Variants in NCKAP1 observed in about 807,000 individuals in gnomAD.
NCKAP1 encodes NCK associated protein 1.
Under a neutral mutation model 151.2 loss-of-function variants are expected in NCKAP1, and 21 were observed. That is an observed-to-expected ratio of 0.14 (90% CI 0.10 to 0.20). NCKAP1 has a LOEUF of 0.20. Among genes scored for constraint, NCKAP1 ranks in the 10% least tolerant of loss-of-function variants. NCKAP1 has a pLI of 1.00. For missense variants in NCKAP1, 933 were observed against 1,352.1 expected (o/e 0.69, Z 4.86); for synonymous variants, 484 against 451.8 (o/e 1.07, Z -0.90).
rs770765076 is a variant in NCKAP1, at chr2:182,919,482, T to C, written c.*6220A>G. The stretch of plus-strand genomic sequence containing the variant: ...ATGTGACTAACGTAAGTTATGGTCA[T>C]ACCTAATTAGTATGACATTCTGATT... On this transcript the variant is annotated 3_prime_UTR_variant, in exon 31 of 31. Coordinates refer to ENST00000361354, the MANE Select transcript of NCKAP1 (RefSeq NM_013436.5). The C allele has an allele frequency of 6.6e-6, 1 of 152,224 alleles. No individual in the cohort carries two copies. The highest frequency in any genetic ancestry group is 1.5e-5 in the Non-Finnish European group (1 of 68,038). The allele number at this position is 152,224 out of a possible 1,614,324, so 9.4% of individuals were successfully genotyped here. A position where few individuals can be genotyped will look rare whatever the true frequency, so the allele number is the denominator to read the frequency against.
chr2:182,946,816 T>C (rs1697118516), intron 23 of NCKAP1, among the ~76,000 whole-genome samples: 1 of 148,288 alleles, frequency 6.7e-6, no homozygotes, highest in Non-Finnish European at 1.5e-5. Context: ...AGATGGAAAC[T>C]AGAGCAAAGA....
rs1696412602 is a variant in NCKAP1, at chr2:182,912,641, G to T, written c.*13061C>A. On this transcript the variant is annotated 3_prime_UTR_variant, in exon 31 of 31. Coordinates refer to ENST00000361354, the MANE Select transcript of NCKAP1 (RefSeq NM_013436.5). ...TGGAGTTCAGAATTATAAATGCTTGGCTAGTTAGCCATAATAAAAATGGAA... is the reference window on the plus strand; with the variant it reads ...TGGAGTTCAGAATTATAAATGCTTGTCTAGTTAGCCATAATAAAAATGGAA... The T allele has an allele frequency of 6.6e-6, 1 of 151,768 alleles. No homozygotes were observed. The highest frequency in any genetic ancestry group is 6.6e-5 in the Admixed American group (1 of 15,254). The allele number at this position is 151,768 out of a possible 1,614,324, so 9.4% of individuals were successfully genotyped here.
rs186600515 is a variant in NCKAP1 at position 182,987,964 on chromosome 2, T to C, written c.947+1066A>G. 3.3e-5 allele frequency among the ~76,000 whole-genome samples: 5 copies of C among 152,296 alleles called. 1 individual carries two copies. Among genetic ancestry groups the C allele is most frequent in the East Asian group, 1.9e-4 (1 of 5,188 alleles). On this transcript the variant is annotated intron_variant, in intron 9 of 30. Coordinates refer to ENST00000361354, the MANE Select transcript of NCKAP1 (RefSeq NM_013436.5). Reference sequence around the variant, plus strand: ...TCTCCAGAGATGATGGAAATGTTCTTACATCTTGATTTAAGTGGTGATGAT... The same window carrying C: ...TCTCCAGAGATGATGGAAATGTTCTCACATCTTGATTTAAGTGGTGATGAT...
chr2:182,934,720 C>A, intron 26 of NCKAP1, 32 bp downstream of exon 26: 1 of 1,094,262 alleles, frequency 9.1e-7, no homozygotes. Flanking sequence ...GCTTTAGAGA[C>A]TGTAAACCCC....
At chr2:182,927,605 T>C (rs915833837) in intron 29 of NCKAP1, among the ~76,000 whole-genome samples, 1 of 152,076 alleles carries the variant, frequency 6.6e-6, no homozygotes, top group Non-Finnish European at 1.5e-5. Flanking sequence ...TGAGGCTACA[T>C]TTAGCACTCC....
chr2:182,996,303 T>C (rs1698266923), intron 6 of NCKAP1, among the ~76,000 whole-genome samples: 1 of 152,212 alleles, frequency 6.6e-6, no homozygotes, highest in Non-Finnish European at 1.5e-5. Context: ...ACACTGTACC[T>C]CATCTTAATA....
At chr2:182,939,635 T>A (rs1696954186) in intron 24 of NCKAP1, among the ~76,000 whole-genome samples, 1 of 152,148 alleles carries the variant, frequency 6.6e-6, no homozygotes, top group Non-Finnish European at 1.5e-5. Flanking sequence ...TGCTTTATCT[T>A]TTAAAAAGAA....
At chr2:182,988,603 T>A (rs1698104228) in intron 9 of NCKAP1, among the ~76,000 whole-genome samples, 1 of 152,230 alleles carries the variant, frequency 6.6e-6, no homozygotes, top group Non-Finnish European at 1.5e-5. Flanking sequence ...CATGCAGTGA[T>A]ATGAATTCTG....
intron 24 of NCKAP1, among the ~76,000 whole-genome samples, chr2:182,937,805 C>T (rs1696910812): frequency 6.6e-6 from 1 of 152,096 alleles, no homozygotes; most frequent in Admixed American, 6.6e-5. Context: ...AGAGAGGATG[C>T]CCAAGTTTTC....
chr2:182,998,658 C>G (rs1001545501), intron 6 of NCKAP1, among the ~76,000 whole-genome samples: 1 of 151,594 alleles, frequency 6.6e-6, no homozygotes, highest in African/African-American at 2.4e-5. Context: ...GATGAAACCC[C>G]ATCTCTACTA....
At position 182,962,896 on chromosome 2, in the gene NCKAP1, G is replaced by GT. The variant is rs1011734712; in HGVS notation, c.1762-619dup. On this transcript the variant is annotated intron_variant, in intron 17 of 30. Coordinates refer to ENST00000361354, the MANE Select transcript of NCKAP1 (RefSeq NM_013436.5). Reference sequence around the variant, plus strand: ...TTTTTAGTTTTAGTGGGCTGCAATCGTTTGATTGTTTTTTTCTTATCTATG... The same window carrying GT: ...TTTTTAGTTTTAGTGGGCTGCAATCGTTTTGATTGTTTTTTTCTTATCTATG... Among the ~76,000 whole-genome samples, 8 of 150,886 alleles carry GT rather than the reference G, an allele frequency of 5.3e-5. No homozygotes were observed. In the South Asian group the frequency reaches 1.0e-3, roughly 20 times the overall value.
At chr2:182,946,760 A>G (rs1052078213) in intron 23 of NCKAP1, among the ~76,000 whole-genome samples, 1 of 151,170 alleles carries the variant, frequency 6.6e-6, no homozygotes, top group Non-Finnish European at 1.5e-5. Context: ...AAAAGGAAAC[A>G]GCAGAAAAAA....
intron 15 of NCKAP1, 80 bp from the exon 16 acceptor site, chr2:182,967,441 T>C (rs1020771134): frequency 7.8e-7 from 1 of 1,277,532 alleles, no homozygotes; most frequent in East Asian, 2.3e-5. Context: ...GGGAAAAGCA[T>C]CACTGAAAGA....
rs187212059 is a variant in NCKAP1 at position 182,944,931 on chromosome 2, G to A, written c.2602-2768C>T. Among the ~76,000 whole-genome samples, 46 of 152,046 alleles carry A rather than the reference G, an allele frequency of 3.0e-4. 1 individual carries two copies. In the East Asian group the frequency reaches 7.7e-3, roughly 26 times the overall value. On this transcript the variant is annotated intron_variant, in intron 23 of 30. Transcript: ENST00000361354. ...AGCCTGGGCAACACAGCAATATTTC[G>A]TCTCTACAAAAAACTTTAAAAGGCT... is the stretch of plus-strand genomic sequence containing the variant.
intron 27 of NCKAP1, 28 bp from the exon 28 acceptor site, chr2:182,928,927 CA>C: frequency 7.2e-7 from 1 of 1,389,788 alleles, no homozygotes; most frequent in Non-Finnish European, 1.0e-6. Flanking sequence ...AGAATAAAAT[CA>C]AGGTATTTCT....
At chr2:182,930,655 C>CTT in intron 27 of NCKAP1, 40 bp downstream of exon 27, 2 of 1,517,560 alleles carry the variant, frequency 1.3e-6, no homozygotes, top group Non-Finnish European at 1.8e-6. Flanking sequence ...GCCCTGGTAA[C>CTT]TTTAACTAAG....
chr2:182,956,472 G>A lies in NCKAP1; in HGVS notation c.2143C>T (p.Arg715Cys), dbSNP rs1697330238. 3 of 1,609,580 alleles carry A rather than the reference G, an allele frequency of 1.9e-6. No homozygotes were observed. The highest frequency in any genetic ancestry group is 1.3e-5 in the African/African-American group (1 of 74,740). The change falls in exon 20 of 31, where the codon CGC (arginine) becomes TGC (cysteine). Residue 715 changes from arginine (R) to cysteine (C), a missense_variant. Around this residue, in one of 2 missense-constraint regions of NCKAP1, gnomAD observed 326 missense variants for 557.1 expected, o/e 0.59. Coordinates refer to ENST00000361354, the MANE Select transcript of NCKAP1 (RefSeq NM_013436.5). ...REYLTSHLEIRFTKSIVGMTM... is the reference protein window; with the variant it reads ...REYLTSHLEICFTKSIVGMTM... Reference sequence around the variant, plus strand: ...AATATTCTTTCTTACTTGGTAAAGCGTATTTCCAGATGAGAAGTCAAATAT... The same window carrying A: ...AATATTCTTTCTTACTTGGTAAAGCATATTTCCAGATGAGAAGTCAAATAT...
rs962752419 is a variant in NCKAP1 at position 182,924,323 on chromosome 2, C to A, written c.*1379G>T. On this transcript the variant is annotated 3_prime_UTR_variant, in exon 31 of 31. Coordinates refer to ENST00000361354, the MANE Select transcript of NCKAP1 (RefSeq NM_013436.5). ...TGAGTTCACAGCAGCCTTCTTTTATCTTAACACAAGTTACCAGTGTATACA... is the reference window on the plus strand; with the variant it reads ...TGAGTTCACAGCAGCCTTCTTTTATATTAACACAAGTTACCAGTGTATACA... 3 of 152,150 alleles carry A rather than the reference C, an allele frequency of 2.0e-5. No homozygotes were observed. Among genetic ancestry groups the A allele is most frequent in the African/African-American group, 7.2e-5 (3 of 41,428 alleles). The allele number at this position is 152,150 out of a possible 1,614,324, so 9.4% of individuals were successfully genotyped here. A position where few individuals can be genotyped will look rare whatever the true frequency, so the allele number is the denominator to read the frequency against.
At chr2:182,926,987 A>C in intron 29 of NCKAP1, 82 bp from the exon 30 acceptor site, 1 of 882,872 alleles carries the variant, frequency 1.1e-6, no homozygotes, top group Non-Finnish European at 1.8e-6. Context: ...TTCAACTTCC[A>C]ACACATTTCA....
Sources: gnomAD v4.1 joint callset for allele counts (sites outside exome capture counted in the v4.1 genomes callset) on GRCh38, gnomAD v4.1.1 for gene constraint, gnomAD v4.1.1 regional missense constraint, MANE v1.5 for transcripts, NCBI Gene and HGNC (gene_info 2026-07-23, HGNC 2026-07-21) for gene names.